The following PARD3B variants were observed in gnomAD, a reference collection of about 807,000 sequenced individuals.
PARD3B encodes partitioning defective 3 homolog B.
Under a neutral mutation model 130.2 loss-of-function variants are expected in PARD3B, and 103 were observed. The observed-to-expected ratio is 0.79, with a 90% CI of 0.67 to 0.93. The LOEUF (loss-of-function observed/expected upper bound fraction) is 0.93, where lower values mean the gene tolerates loss of function less well. PARD3B is among the 40% of genes least tolerant of loss of function. The pLI is 0.00. For missense variants in PARD3B, 1,609 were observed against 1,499.2 expected, an observed-to-expected ratio of 1.07 and a Z score of -1.21; for synonymous variants, 583 against 553.2, an observed-to-expected ratio of 1.05 and a Z score of -0.76.
In PARD3B at chr2:205,596,741, GGTACC is replaced by G. The variant is rs553665958; in HGVS notation, c.3261-18711_3261-18707del. On this transcript the variant is annotated intron_variant, in intron 22 of 22. Coordinates refer to ENST00000406610, the MANE Select transcript of PARD3B (RefSeq NM_001302769.2). The stretch of plus-strand genomic sequence containing the variant: ...TGTAATCATGTTTGTGGCCAAATAG[GGTACC>G]GTAATCCAAATAAACCCCAGGTGGC... Among the ~76,000 whole-genome samples, 909 of 152,120 alleles carry G rather than the reference GGTACC, an allele frequency of 6.0e-3. 3 individuals carry two copies. The highest frequency in any genetic ancestry group is 9.2e-3 in the Non-Finnish European group (623 of 67,992).
chr2:205,332,919 G>A (rs1399062006), intron 18 of PARD3B, among the ~76,000 whole-genome samples: 2 of 152,072 alleles, frequency 1.3e-5, no homozygotes. Flanking sequence ...GAATTAGTGA[G>A]GTTAGTGATT....
chr2:205,270,738 G>C (rs926595669), intron 16 of PARD3B, among the ~76,000 whole-genome samples: 5 of 152,048 alleles, frequency 3.3e-5, no homozygotes, highest in Non-Finnish European at 7.4e-5. Context: ...CTGATTCTCT[G>C]GGATTCTTCC....
chr2:205,514,148 C>T (rs1287743144), intron 21 of PARD3B, among the ~76,000 whole-genome samples: 1 of 152,010 alleles, frequency 6.6e-6, no homozygotes, highest in South Asian at 2.1e-4. Context: ...AAGATCAGCC[C>T]GAGAGAGTAG....
chr2:205,440,280 G>T lies in PARD3B; in HGVS notation c.2742-90G>T. 1 of 1,297,770 alleles carries T rather than the reference G, an allele frequency of 7.7e-7. No homozygotes were observed. The highest frequency in any genetic ancestry group is 1.4e-5 in the South Asian group (1 of 71,146). 80.4% of individuals were successfully genotyped at this position (1,297,770 alleles called of 1,614,324 possible). A position where few individuals can be genotyped will look rare whatever the true frequency, so the allele number is the denominator to read the frequency against. ...CAGGAGAATGACAGCTAAGAGACGAGGAAGAGTTAACATAAATTCAAGAGA... is the reference window on the plus strand; with the variant it reads ...CAGGAGAATGACAGCTAAGAGACGATGAAGAGTTAACATAAATTCAAGAGA... On this transcript the variant is annotated intron_variant, in intron 19 of 22. Coordinates refer to ENST00000406610, the MANE Select transcript of PARD3B (RefSeq NM_001302769.2). This position sits in a 1 kb window ranked among gnomAD's most constrained non-coding sequence, Gnocchi z 4.2.
chr2:205,009,553 C>T (rs1695542835), intron 3 of PARD3B, among the ~76,000 whole-genome samples: 1 of 151,930 alleles, frequency 6.6e-6, no homozygotes, highest in African/African-American at 2.4e-5. Context: ...CGCCTGTAGT[C>T]CCAGCTTCTC....
chr2:205,490,797 C>T (rs1281250897), intron 20 of PARD3B, among the ~76,000 whole-genome samples: 5 of 152,130 alleles, frequency 3.3e-5, no homozygotes, highest in African/African-American at 7.2e-5. Flanking sequence ...TTTTAGTGAT[C>T]GCCATTCTAA....
Position 205,401,075 on chromosome 2 carries a change from G to A in PARD3B, c.2693G>A (p.Gly898Asp), listed in dbSNP as rs1484127170. The change falls in exon 19 of 23, where the codon GGT becomes GAT. Residue 898 changes from glycine to aspartate, a missense_variant. Physicochemically the swap from Gly to Asp is moderately conservative, Grantham distance 94 (BLOSUM62 -1). Transcript: ENST00000406610. ...GAGCAGAAAGGTACTCTGAAACATG[G>A]TGGCCTGAGAGAAGAAGAGCTGGAG... ...KAEQKGTLKH[G>D]GLREEELEKM... 2 of 1,603,514 alleles carry A rather than the reference G, an allele frequency of 1.2e-6. No individual in the cohort carries two copies. Among genetic ancestry groups the A allele is most frequent in the East Asian group, 4.5e-5 (2 of 44,698 alleles).
At chr2:204,632,062 G>GGC (rs1462649056) in intron 1 of PARD3B, among the ~76,000 whole-genome samples, 1 of 152,086 alleles carries the variant, frequency 6.6e-6, no homozygotes, top group South Asian at 2.1e-4. Flanking sequence ...AGCCTGTGGG[G>GGC]AGGTGACTGG....
intron 22 of PARD3B, among the ~76,000 whole-genome samples, chr2:205,600,969 G>T (rs2054762702): frequency 6.6e-6 from 1 of 152,158 alleles, no homozygotes; most frequent in African/African-American, 2.4e-5. Context: ...GAACATACAT[G>T]TGCATATATC....
intron 2 of PARD3B, among the ~76,000 whole-genome samples, chr2:204,714,558 G>A (rs779456384): frequency 4.6e-5 from 7 of 152,056 alleles, no homozygotes; most frequent in Non-Finnish European, 7.4e-5. Flanking sequence ...CTGGTCAGTC[G>A]TTTCTTCCTT....
At chr2:204,742,325 A>C (rs1271092299) in intron 2 of PARD3B, among the ~76,000 whole-genome samples, 1 of 152,172 alleles carries the variant, frequency 6.6e-6, no homozygotes, top group Non-Finnish European at 1.5e-5. Flanking sequence ...TGTCTCTGCC[A>C]TTGTCCTCTC....
intron 2 of PARD3B, among the ~76,000 whole-genome samples, chr2:204,857,922 A>G (rs1198858721): frequency 1.3e-5 from 2 of 152,182 alleles, no homozygotes; most frequent in African/African-American, 4.8e-5. Context: ...AATGAGACAA[A>G]CATATCCTTC....
chr2:204,981,467 C>G (rs1226347936), intron 3 of PARD3B, among the ~76,000 whole-genome samples: 1 of 152,188 alleles, frequency 6.6e-6, no homozygotes, highest in Non-Finnish European at 1.5e-5. Flanking sequence ...TTAATTCCCT[C>G]TTTCCCAGTG....
At chr2:205,252,017 A>G (rs1410402616) in intron 16 of PARD3B, among the ~76,000 whole-genome samples, 3 of 152,180 alleles carry the variant, frequency 2.0e-5, no homozygotes, top group Non-Finnish European at 2.9e-5. Context: ...CGTTCTTCCT[A>G]TACAAAGTTG....
chr2:205,523,013 C>T (rs2051150067), intron 21 of PARD3B, among the ~76,000 whole-genome samples: 1 of 151,304 alleles, frequency 6.6e-6, no homozygotes, highest in African/African-American at 2.4e-5. Context: ...TTTCAGTATC[C>T]CTTTTTTCTT....
intron 1 of PARD3B, among the ~76,000 whole-genome samples, chr2:204,594,045 C>T (rs961521332): frequency 1.3e-5 from 2 of 152,130 alleles, no homozygotes; most frequent in African/African-American, 4.8e-5. Flanking sequence ...AACACTCGGT[C>T]CCTGAAACAG....
At chr2:205,480,916 G>T (rs959674089) in intron 20 of PARD3B, among the ~76,000 whole-genome samples, 1 of 152,202 alleles carries the variant, frequency 6.6e-6, no homozygotes, top group Non-Finnish European at 1.5e-5. Flanking sequence ...TATGCCTTGA[G>T]AACGTGGAGG....
chr2:204,819,098 C>T (rs967426758), intron 2 of PARD3B, among the ~76,000 whole-genome samples: 1 of 152,126 alleles, frequency 6.6e-6, no homozygotes, highest in Non-Finnish European at 1.5e-5. Flanking sequence ...ACATACATAT[C>T]TATAAGTATT....
chr2:204,889,356 G>T (rs915384138), intron 2 of PARD3B, among the ~76,000 whole-genome samples: 1 of 152,198 alleles, frequency 6.6e-6, no homozygotes, highest in African/African-American at 2.4e-5. Context: ...TAAAGCAGTT[G>T]TCTCTCTACT....
Sources: allele counts gnomAD v4.1 joint callset (sites outside exome capture counted in the v4.1 genomes callset), GRCh38; gene constraint gnomAD v4.1.1; non-coding constraint Gnocchi (gnomAD v3.1); transcripts MANE v1.5; gene names NCBI Gene and HGNC (gene_info 2026-07-23, HGNC 2026-07-21).